TAPT1: variants seen among roughly 807,000 people sequenced by gnomAD.
TAPT1 encodes transmembrane anterior posterior transformation protein 1 homolog.
In TAPT1, 28 loss-of-function variants were observed where a neutral mutation model predicts 65.6. The ratio of observed to expected loss-of-function variants is 0.43; its 90% CI spans 0.32 to 0.59. The LOEUF is 0.59. Ranked by LOEUF, TAPT1 falls within the 20% of genes least tolerant of loss-of-function variation. TAPT1 has a pLI of 0.09. For synonymous variants in TAPT1, 278 were observed against 245.2 expected, an observed-to-expected ratio of 1.13 and a Z score of -1.25; for missense variants, 563 against 679.9, an observed-to-expected ratio of 0.83 and a Z score of 1.91.
rs183227516 is a variant in TAPT1, at chr4:16,196,425, A to G, written c.450-4902T>C. 1.5e-3 allele frequency among the ~76,000 whole-genome samples: 232 copies of G among 152,366 alleles called. 1 individual carries two copies. The highest frequency in any genetic ancestry group is 6.8e-3 in the Middle Eastern group (2 of 294). On this transcript the variant is annotated intron_variant, in intron 3 of 13. Coordinates refer to ENST00000405303, the MANE Select transcript of TAPT1 (RefSeq NM_153365.3). ...GTCTAAGCTAACATGTGTAAAGATG[A>G]CTTTTGAGCGGATTTTCATGTTAGG...
intron 1 of TAPT1, among the ~76,000 whole-genome samples, chr4:16,218,443 T>C (rs1167853745): frequency 8.5e-5 from 13 of 152,224 alleles, no homozygotes; most frequent in Admixed American, 8.5e-4. Context: ...TTCTCCACAA[T>C]GGTGTCTTCT....
At chr4:16,187,228 T>C (rs1749072650) in intron 5 of TAPT1, among the ~76,000 whole-genome samples, 1 of 152,154 alleles carries the variant, frequency 6.6e-6, no homozygotes, top group Admixed American at 6.5e-5. Flanking sequence ...GAATAAATTA[T>C]GGTAAATACT....
chr4:16,219,004 A>G (rs962367591), intron 1 of TAPT1, among the ~76,000 whole-genome samples: 4 of 152,196 alleles, frequency 2.6e-5, no homozygotes, highest in Non-Finnish European at 5.9e-5. Context: ...TTAATTATAA[A>G]CACTAGTTTA....
rs758071724 is a variant in TAPT1, at chr4:16,162,641, G to C, written c.*667C>G. On this transcript the variant is annotated 3_prime_UTR_variant, in exon 14 of 14. Coordinates refer to ENST00000405303, the MANE Select transcript of TAPT1 (RefSeq NM_153365.3). ...AAAGAGTAAACTGAAAAATTATGAAGGATTTTTCCCAGTAATGCATAGCCT... is the reference window on the plus strand; with the variant it reads ...AAAGAGTAAACTGAAAAATTATGAACGATTTTTCCCAGTAATGCATAGCCT... 18 of 156,054 alleles carry C rather than the reference G, an allele frequency of 1.2e-4. No individual in the cohort carries two copies. Among genetic ancestry groups the C allele is most frequent in the Non-Finnish European group, 2.0e-4 (14 of 70,602 alleles). The allele number at this position is 156,054 out of a possible 1,614,324, so 9.7% of individuals were successfully genotyped here. A position where few individuals can be genotyped will look rare whatever the true frequency, so the allele number is the denominator to read the frequency against.
At chr4:16,192,419 G>A (rs1014408882) in intron 3 of TAPT1, among the ~76,000 whole-genome samples, 1 of 152,094 alleles carries the variant, frequency 6.6e-6, no homozygotes, top group Non-Finnish European at 1.5e-5. Context: ...TATCTTTCTT[G>A]TACTGGTTTA....
intron 2 of TAPT1, among the ~76,000 whole-genome samples, chr4:16,207,036 G>A (rs1337320954): frequency 6.6e-6 from 1 of 152,160 alleles, no homozygotes; most frequent in Non-Finnish European, 1.5e-5. Context: ...ACCAGCCAAG[G>A]CTGCTGAGAT....
At chr4:16,201,600 C>T (rs1053222435) in intron 3 of TAPT1, among the ~76,000 whole-genome samples, 3 of 152,044 alleles carry the variant, frequency 2.0e-5, no homozygotes, top group East Asian at 1.9e-4. Context: ...GAAAGAAAAC[C>T]GTAAAAGCCA....
chr4:16,174,540 A>G (rs1748205881), intron 10 of TAPT1, 130 bp downstream of exon 10: 4 of 790,060 alleles, frequency 5.1e-6, no homozygotes, highest in Middle Eastern at 2.8e-4. Flanking sequence ...TTTAGTGTTG[A>G]GAATAGAGAT....
At chr4:16,186,903 T>C in intron 5 of TAPT1, 25 bp from the exon 6 acceptor site, 2 of 1,405,248 alleles carry the variant, frequency 1.4e-6, no homozygotes, top group Non-Finnish European at 2.0e-6. Context: ...AGGAAAAAAC[T>C]TAAATTTGCT....
chr4:16,165,429 G>C (rs1216561492), intron 13 of TAPT1, among the ~76,000 whole-genome samples: 3 of 151,872 alleles, frequency 2.0e-5, no homozygotes, highest in Non-Finnish European at 2.9e-5. Flanking sequence ...AATTAGCTGG[G>C]CGTGGTGGTG....
chr4:16,201,490 G>T (rs907932845), intron 3 of TAPT1, among the ~76,000 whole-genome samples: 6 of 152,148 alleles, frequency 3.9e-5, no homozygotes, highest in Middle Eastern at 3.2e-3. Flanking sequence ...AGTGATGCAT[G>T]TCAGAAATGT....
intron 1 of TAPT1, chr4:16,226,023 C>G: frequency 1.0e-6 from 1 of 1,004,536 alleles, no homozygotes; most frequent in Non-Finnish European, 1.2e-6. Context: ...CTAGGGCACA[C>G]CTGGCCTGGC....
At chr4:16,217,435 G>GA (rs1751004298) in intron 1 of TAPT1, among the ~76,000 whole-genome samples, 1 of 152,124 alleles carries the variant, frequency 6.6e-6, no homozygotes, top group African/African-American at 2.4e-5. Flanking sequence ...AAAACGGAGT[G>GA]GCCAAATTAG....
Position 16,226,262 on chromosome 4 carries a change from T to C in TAPT1, c.196A>G (p.Thr66Ala). 1 of 1,121,824 alleles carries C rather than the reference T, an allele frequency of 8.9e-7. No individual in the cohort carries two copies. The highest frequency in any genetic ancestry group is 1.1e-6 in the Non-Finnish European group (1 of 918,352). The allele number at this position is 1,121,824 out of a possible 1,614,324, so 69.5% of individuals were successfully genotyped here. Residue 66 changes from threonine (T) to alanine (A), a missense_variant, in exon 1 of 14, where the codon ACA becomes GCA. Around this residue, in one of 5 missense-constraint regions of TAPT1, gnomAD observed 103 missense variants for 89.4 expected, o/e 1.15. Coordinates refer to ENST00000405303, the MANE Select transcript of TAPT1 (RefSeq NM_153365.3). The stretch of plus-strand genomic sequence containing the variant: ...GGCCTAGCGCCGCCCGCCTCACCTG[T>C]GCGGCCCCGGCGCCTCTCCCGCCGC... ...DRRRERRRGR[T>A]ELSLLRFLSA... is the part of the protein sequence containing the mutation.
chr4:16,183,887 TGA>T (rs1748853069), intron 7 of TAPT1, among the ~76,000 whole-genome samples: 1 of 152,218 alleles, frequency 6.6e-6, no homozygotes, highest in African/African-American at 2.4e-5. Context: ...CTCAGAGCCT[TGA>T]GAGTCAGGTC....
chr4:16,215,627 A>T (rs1002127055), intron 1 of TAPT1, among the ~76,000 whole-genome samples: 3 of 152,228 alleles, frequency 2.0e-5, no homozygotes, highest in African/African-American at 7.2e-5. Flanking sequence ...CTCACGCAAC[A>T]GGAGGCGGAA....
chr4:16,163,166 G>A lies in TAPT1; in HGVS notation c.*142C>T. ...CCTCAGCCAGGCCATATTACTGGAA[G>A]AAAGATACTAAGATTTGCTTGCCAA... On this transcript the variant is annotated 3_prime_UTR_variant, in exon 14 of 14. Coordinates refer to ENST00000405303, the MANE Select transcript of TAPT1 (RefSeq NM_153365.3). 1 of 703,658 alleles carries A rather than the reference G, an allele frequency of 1.4e-6. No individual in the cohort carries two copies. The highest frequency in any genetic ancestry group is 1.7e-5 in the South Asian group (1 of 58,872). 43.6% of individuals were successfully genotyped at this position (703,658 alleles called of 1,614,324 possible). A position where few individuals can be genotyped will look rare whatever the true frequency, so the allele number is the denominator to read the frequency against.
At chr4:16,167,268 G>T (rs1289336249) in intron 12 of TAPT1, among the ~76,000 whole-genome samples, 1 of 152,048 alleles carries the variant, frequency 6.6e-6, no homozygotes, top group Non-Finnish European at 1.5e-5. Flanking sequence ...TGGGATTACA[G>T]GTGTGAGCCA....
Position 16,225,934 on chromosome 4 carries a change from T to C in TAPT1, c.199+325A>G. 4.0e-6 allele frequency: 4 copies of C among 989,304 alleles called. No individual in the cohort carries two copies. In the South Asian group the frequency reaches 1.4e-4, roughly 35 times the overall value. The allele number at this position is 989,304 out of a possible 1,614,324, so 61.3% of individuals were successfully genotyped here. ...CTTCTCACGTTTGGGCTCCGAGACG[T>C]GGGAGATGCCCGCTAACCTAAGACC... On this transcript the variant is annotated intron_variant, in intron 1 of 13. Coordinates refer to ENST00000405303, the MANE Select transcript of TAPT1 (RefSeq NM_153365.3).
Sources: gnomAD v4.1 joint callset for allele counts (sites outside exome capture counted in the v4.1 genomes callset) on GRCh38, gnomAD v4.1.1 for gene constraint, gnomAD v4.1.1 regional missense constraint, MANE v1.5 for transcripts, NCBI Gene and HGNC (gene_info 2026-07-23, HGNC 2026-07-21) for gene names.